MTERF3: variants seen among roughly 807,000 people sequenced by gnomAD.
MTERF3 encodes mitochondrial transcription termination factor 3.
In MTERF3, 40 loss-of-function variants were observed where a neutral mutation model predicts 40.5. The ratio of observed to expected loss-of-function variants is 0.99; its 90% CI spans 0.77 to 1.29. MTERF3 has a LOEUF of 1.29. MTERF3 is among the 50% of genes most tolerant of loss of function. The pLI is 0.00. For synonymous variants in MTERF3, 158 were observed against 166.6 expected (o/e 0.95, Z 0.40); for missense variants, 452 against 478.2 (o/e 0.95, Z 0.51).
In MTERF3 at chr8:96,250,976, T is replaced by C; in HGVS notation, c.607A>G (p.Asn203Asp). 6.2e-7 allele frequency: 1 copy of C among 1,608,688 alleles called. No individual in the cohort carries two copies. The highest frequency in any genetic ancestry group is 1.7e-4 in the Middle Eastern group (1 of 6,046). ...TTTGTCAGGAATGCTCCCAGTTGGTTATCCTCTATACCCACATCTTTAAGA... is the reference window on the plus strand; with the variant it reads ...TTTGTCAGGAATGCTCCCAGTTGGTCATCCTCTATACCCACATCTTTAAGA... ...LFLKDVGIEDNQLGAFLTKNH... is the reference protein window; with the variant it reads ...LFLKDVGIEDDQLGAFLTKNH... Residue 203 changes from asparagine to aspartate, a missense_variant, in exon 4 of 8, where the codon AAC becomes GAC. Asn to Asp is a conservative substitution (Grantham distance 23). Coordinates refer to ENST00000287025, the MANE Select transcript of MTERF3 (RefSeq NM_015942.5).
At chr8:96,253,779 G>A (rs1420678969) in intron 3 of MTERF3, among the ~76,000 whole-genome samples, 1 of 151,788 alleles carries the variant, frequency 6.6e-6, no homozygotes, top group Non-Finnish European at 1.5e-5. Context: ...GCCGAGGTGG[G>A]AGGAAAGCTT....
At position 96,257,150 on chromosome 8, in the gene MTERF3, G is replaced by GCA. The variant is rs751041193; in HGVS notation, c.335-38_335-37dup. ...GAGAAACAAATTAGTGCTCTAATATGCACACTTAAAACTATTTCTGCAAAG... is the reference window on the plus strand; with the variant it reads ...GAGAAACAAATTAGTGCTCTAATATGCACACACTTAAAACTATTTCTGCAAAG... On this transcript the variant is annotated intron_variant, in intron 2 of 7. Coordinates refer to ENST00000287025, the MANE Select transcript of MTERF3 (RefSeq NM_015942.5). 48 of 1,584,122 alleles carry GCA rather than the reference G, an allele frequency of 3.0e-5. No individual in the cohort carries two copies. In the African/African-American group the frequency reaches 5.7e-4, roughly 19 times the overall value.
chr8:96,244,157 T>G, intron 6 of MTERF3, 77 bp from the exon 7 acceptor site: 1 of 1,266,748 alleles, frequency 7.9e-7, no homozygotes, highest in Non-Finnish European at 1.1e-6. Flanking sequence ...TGCACTGATT[T>G]TTTTTTTTTT....
Position 96,257,075 on chromosome 8 carries a change from A to G in MTERF3, c.374T>C (p.Ile125Thr). ...AATCTGAATAGCCTCTTCCTCTGAAATTGGCTGCATTGGAGACAATGGAGG... is the reference window on the plus strand; with the variant it reads ...AATCTGAATAGCCTCTTCCTCTGAAGTTGGCTGCATTGGAGACAATGGAGG... ...ELPPLSPMQP[I>T]SEEEAIQIIA... Residue 125 changes from isoleucine (I) to threonine (T), a missense_variant, in exon 3 of 8, where the codon ATT becomes ACT. By Grantham distance (89) the Ile-to-Thr change is moderately conservative. Transcript: ENST00000287025. 1 of 1,613,152 alleles carries G rather than the reference A, an allele frequency of 6.2e-7. No individual in the cohort carries two copies. Among genetic ancestry groups the G allele is most frequent in the Non-Finnish European group, 8.5e-7 (1 of 1,179,666 alleles).
chr8:96,250,652 AG>A lies in MTERF3; in HGVS notation c.677+253del, dbSNP rs1454312189. Among the ~76,000 whole-genome samples, 20 of 31,362 alleles carry A rather than the reference AG, an allele frequency of 6.4e-4. 1 individual carries two copies. Among genetic ancestry groups the A allele is most frequent in the African/African-American group, 2.5e-3 (20 of 7,990 alleles). 20.6% of individuals were successfully genotyped at this position (31,362 alleles called of 152,430 possible). ...AAGAAGAAGAAGAAGAAGAAGAAGAAGAAGAAGAAGAAGAAGAAGAAGAAGA... is the reference window on the plus strand; with the variant it reads ...AAGAAGAAGAAGAAGAAGAAGAAGAAAAGAAGAAGAAGAAGAAGAAGAAGA... On this transcript the variant is annotated intron_variant, in intron 4 of 7. Coordinates refer to ENST00000287025, the MANE Select transcript of MTERF3 (RefSeq NM_015942.5).
intron 3 of MTERF3, among the ~76,000 whole-genome samples, chr8:96,252,539 A>G (rs1356399462): frequency 6.6e-6 from 1 of 152,236 alleles, no homozygotes; most frequent in Non-Finnish European, 1.5e-5. Context: ...ACCTTTGAGA[A>G]GTGGAACTGG....
At chr8:96,260,951 G>C (rs1586175729) in intron 1 of MTERF3, among the ~76,000 whole-genome samples, 1 of 152,300 alleles carries the variant, frequency 6.6e-6, no homozygotes, top group Non-Finnish European at 1.5e-5. Context: ...TGCAAAAGCG[G>C]GTAGGGGATG....
At chr8:96,245,492 T>C (rs549611529) in intron 6 of MTERF3, among the ~76,000 whole-genome samples, 110 of 152,328 alleles carry the variant, frequency 7.2e-4, no homozygotes, top group Non-Finnish European at 1.4e-3. Flanking sequence ...CAGACTGTCA[T>C]GCTGGCCAAC....
chr8:96,250,873 T>G (rs1156621032), intron 4 of MTERF3, 33 bp downstream of exon 4: 2 of 1,555,006 alleles, frequency 1.3e-6, no homozygotes, highest in South Asian at 1.2e-5. Flanking sequence ...AACCACTTCT[T>G]AGGTTATATG....
chr8:96,250,668 GAAGA>G lies in MTERF3; in HGVS notation c.677+234_677+237del, dbSNP rs1563548975. On this transcript the variant is annotated intron_variant, in intron 4 of 7. Coordinates refer to ENST00000287025, the MANE Select transcript of MTERF3 (RefSeq NM_015942.5). Reference sequence around the variant, plus strand: ...AGAAGAAGAAGAAGAAGAAGAAGAAGAAGAAGAAGAAGAAGGAGGAGGAGGAGGG... The same window carrying G: ...AGAAGAAGAAGAAGAAGAAGAAGAAGAGAAGAAGAAGGAGGAGGAGGAGGG... Among the ~76,000 whole-genome samples, 32 of 42,802 alleles carry G rather than the reference GAAGA, an allele frequency of 7.5e-4. 8 individuals carry two copies. Among genetic ancestry groups the G allele is most frequent in the African/African-American group, 3.2e-3 (32 of 9,860 alleles). 28.1% of individuals were successfully genotyped at this position (42,802 alleles called of 152,430 possible). A position where few individuals can be genotyped will look rare whatever the true frequency, so the allele number is the denominator to read the frequency against.
At chr8:96,261,019 T>C (rs1275061356) in intron 1 of MTERF3, among the ~76,000 whole-genome samples, 1 of 152,242 alleles carries the variant, frequency 6.6e-6, no homozygotes, top group Non-Finnish European at 1.5e-5. Flanking sequence ...AACAAGGTCC[T>C]TTCATCAGGA....
intron 6 of MTERF3, 43 bp from the exon 7 acceptor site, chr8:96,244,123 G>T: frequency 1.3e-6 from 2 of 1,529,938 alleles, no homozygotes; most frequent in Non-Finnish European, 1.8e-6. Flanking sequence ...TGTAGAAATA[G>T]TTATTTTGGT....
intron 7 of MTERF3, among the ~76,000 whole-genome samples, chr8:96,242,014 T>TACTTC (rs1809939245): frequency 6.6e-6 from 1 of 152,238 alleles, no homozygotes; most frequent in Non-Finnish European, 1.5e-5. Context: ...TATTAAGTTA[T>TACTTC]ACTTCTTTCC....
At chr8:96,250,566 C>G (rs544659091) in intron 4 of MTERF3, among the ~76,000 whole-genome samples, 48 of 141,712 alleles carry the variant, frequency 3.4e-4, no homozygotes, top group Admixed American at 3.0e-3. Context: ...CAAAAATTAG[C>G]CAGGCATGGT....
At chr8:96,248,865 C>A (rs1185100963) in intron 4 of MTERF3, among the ~76,000 whole-genome samples, 1 of 152,002 alleles carries the variant, frequency 6.6e-6, no homozygotes, top group Non-Finnish European at 1.5e-5. Context: ...TATATCAGAA[C>A]CAGAAACAAA....
At chr8:96,250,532 G>A (rs1204624596) in intron 4 of MTERF3, among the ~76,000 whole-genome samples, 4 of 143,108 alleles carry the variant, frequency 2.8e-5, no homozygotes, top group Admixed American at 7.0e-5. Context: ...CCAATGTGGC[G>A]AAACCCCATC....
intron 4 of MTERF3, among the ~76,000 whole-genome samples, chr8:96,250,656 GAAGAAGAAGAAGAAGAAGA>G (rs1563548888): frequency 1.4e-4 from 4 of 29,182 alleles, no homozygotes; most frequent in African/African-American, 5.2e-4. Context: ...AGAAGAAGAA[GAAGAAGAAGAAGAAGAAGA>G]AGAAGAAGGA....
chr8:96,240,465 T>C (rs1809906134), intron 7 of MTERF3, among the ~76,000 whole-genome samples: 1 of 152,192 alleles, frequency 6.6e-6, no homozygotes, highest in South Asian at 2.1e-4. Flanking sequence ...TTTTAAAATT[T>C]GCACTCCTCC....
intron 7 of MTERF3, among the ~76,000 whole-genome samples, chr8:96,241,582 A>G (rs1160184801): frequency 2.0e-5 from 3 of 152,170 alleles, no homozygotes; most frequent in Non-Finnish European, 2.9e-5. Context: ...CAGTGGACCA[A>G]AGTTACTCCA....
Sources: allele counts gnomAD v4.1 joint callset (sites outside exome capture counted in the v4.1 genomes callset), GRCh38; gene constraint gnomAD v4.1.1; transcripts MANE v1.5; gene names NCBI Gene and HGNC (gene_info 2026-07-23, HGNC 2026-07-21).